POLK: variants seen among roughly 807,000 people sequenced by gnomAD.
POLK encodes polymerase (DNA directed) kappa.
POLK carries 76 observed loss-of-function variants against 94.0 expected under a neutral mutation model. The ratio of observed to expected loss-of-function variants is 0.81; its 90% CI spans 0.67 to 0.98. The LOEUF is 0.98. POLK is among the 50% of genes least tolerant of loss of function. The pLI is 0.00. For missense variants in POLK, 954 were observed against 1,010.1 expected (o/e 0.94, Z 0.75); for synonymous variants, 349 against 325.4 (o/e 1.07, Z -0.78).
intron 1 of POLK, among the ~76,000 whole-genome samples, chr5:75,539,311 A>AT (rs901889807): frequency 4.6e-5 from 7 of 151,106 alleles, no homozygotes; most frequent in African/African-American, 1.7e-4. Context: ...GGGATGTTTA[A>AT]TTTTTTTGTT....
At chr5:75,609,622 A>C in the POLK span, 1 of 152,078 alleles carries the variant, frequency 6.6e-6, no homozygotes, top group Non-Finnish European at 1.5e-5. Flanking sequence ...CTGTTTTTCC[A>C]TTTACATATT....
At chr5:75,564,076 T>C (rs1771134671) in intron 3 of POLK, among the ~76,000 whole-genome samples, 2 of 152,260 alleles carry the variant, frequency 1.3e-5, no homozygotes, top group African/African-American at 4.8e-5. Flanking sequence ...ATCTGGGTGC[T>C]ACTGCATTGG....
At chr5:75,605,955 A>G (rs1364135820), downstream of POLK, among the ~76,000 whole-genome samples, 1 of 141,356 alleles carries the variant, frequency 7.1e-6, no homozygotes, top group Non-Finnish European at 1.5e-5. Flanking sequence ...CCGGGGAACC[A>G]GCGTTCAGCA....
At chr5:75,597,050 A>G (rs753095504) in exon 13 of POLK, 10 of 1,613,762 alleles carry the variant, frequency 6.2e-6, no homozygotes, top group East Asian at 2.2e-5. Flanking sequence ...AACGTAGAAC[A>G]AAAGACTTCA....
chr5:75,515,519 T>C (rs1311341592), intron 1 of POLK, among the ~76,000 whole-genome samples: 3 of 152,230 alleles, frequency 2.0e-5, no homozygotes, highest in Admixed American at 6.5e-5. Context: ...CATTCATCCA[T>C]TGATGGTTGA....
the POLK span, chr5:75,609,770 G>A: frequency 6.6e-6 from 1 of 152,054 alleles, no homozygotes; most frequent in Non-Finnish European, 1.5e-5. Context: ...TTGAGGTTAT[G>A]GGCGGTGTTC....
chr5:75,562,136 A>T (rs1463393809), intron 3 of POLK, among the ~76,000 whole-genome samples: 1 of 152,214 alleles, frequency 6.6e-6, no homozygotes, highest in African/African-American at 2.4e-5. Context: ...CTTCCCATCC[A>T]TGAGTATGGA....
At chr5:75,542,360 C>T (rs1405011038) in intron 1 of POLK, among the ~76,000 whole-genome samples, 2 of 151,876 alleles carry the variant, frequency 1.3e-5, no homozygotes, top group African/African-American at 2.4e-5. Flanking sequence ...TGTCTCCTCC[C>T]CTTCTCTCTT....
At chr5:75,524,531 A>G (rs1279211495) in intron 1 of POLK, among the ~76,000 whole-genome samples, 1 of 152,230 alleles carries the variant, frequency 6.6e-6, no homozygotes, top group Non-Finnish European at 1.5e-5. Context: ...TAAATTACGT[A>G]TAAGTTTATT....
rs1772306308 is a variant in POLK, at chr5:75,583,434, A to C, written c.1059+17A>C. The C allele has an allele frequency of 6.6e-7, 1 of 1,516,064 alleles. No homozygotes were observed. The highest frequency in any genetic ancestry group is 9.1e-7 in the Non-Finnish European group (1 of 1,097,006). The allele number at this position is 1,516,064 out of a possible 1,614,324, so 93.9% of individuals were successfully genotyped here. A position where few individuals can be genotyped will look rare whatever the true frequency, so the allele number is the denominator to read the frequency against. ...ATTAGAAAGGTAAGATTTTTACATA[A>C]AGTTTATTTATATATGTACTCTGAA... On this transcript the variant is annotated intron_variant, in intron 8 of 14. Coordinates refer to ENST00000241436, the Ensembl canonical transcript of POLK.
At chr5:75,518,293 T>C (rs568798426) in intron 1 of POLK, among the ~76,000 whole-genome samples, 2 of 152,278 alleles carry the variant, frequency 1.3e-5, no homozygotes, top group East Asian at 1.9e-4. Context: ...GAAAGACTTT[T>C]TATTGCAGCT....
intron 4 of POLK, among the ~76,000 whole-genome samples, chr5:75,570,138 A>G (rs1299003470): frequency 6.6e-6 from 1 of 152,218 alleles, no homozygotes; most frequent in Non-Finnish European, 1.5e-5. Context: ...TCTTCCACGA[A>G]ACCAGTCTCT....
At chr5:75,579,334 C>T (rs1421886997) in intron 6 of POLK, among the ~76,000 whole-genome samples, 1 of 151,952 alleles carries the variant, frequency 6.6e-6, no homozygotes, top group African/African-American at 2.4e-5. Flanking sequence ...CAGGTAGATA[C>T]CATTTCAATT....
At chr5:75,522,222 G>A (rs377617472) in intron 1 of POLK, among the ~76,000 whole-genome samples, 1 of 152,338 alleles carries the variant, frequency 6.6e-6, no homozygotes, top group South Asian at 2.1e-4. Flanking sequence ...TAGACACTGT[G>A]AGTCAGGGAA....
At chr5:75,521,248 G>A (rs1193309267) in intron 1 of POLK, among the ~76,000 whole-genome samples, 2 of 151,858 alleles carry the variant, frequency 1.3e-5, no homozygotes, top group Admixed American at 6.6e-5. Context: ...AGTCTTTTGA[G>A]GTGATTTTCT....
chr5:75,529,816 T>C (rs1247704214), intron 1 of POLK, among the ~76,000 whole-genome samples: 1 of 152,144 alleles, frequency 6.6e-6, no homozygotes, highest in Non-Finnish European at 1.5e-5. Flanking sequence ...TTAATACATT[T>C]CACTTGTATA....
the POLK span, chr5:75,608,844 AAGATCAGAGAGATGAGTAGGGCC>A: frequency 6.6e-6 from 1 of 152,240 alleles, no homozygotes; most frequent in Non-Finnish European, 1.5e-5. Context: ...TGTAGGGCCC[AAGATCAGAGAGATGAGTAGGGCC>A]AGATCATGTG....
At chr5:75,549,882 A>G (rs1480566875) in intron 2 of POLK, among the ~76,000 whole-genome samples, 4 of 152,136 alleles carry the variant, frequency 2.6e-5, no homozygotes, top group African/African-American at 9.7e-5. Flanking sequence ...ACAAATTCCA[A>G]TAAATTGGAC....
intron 3 of POLK, among the ~76,000 whole-genome samples, chr5:75,559,999 C>T (rs1770885307): frequency 6.6e-6 from 1 of 151,894 alleles, no homozygotes; most frequent in African/African-American, 2.4e-5. Context: ...GAAAATATAC[C>T]ATTACAGTTT....
Sources: gnomAD v4.1 joint callset for allele counts (sites outside exome capture counted in the v4.1 genomes callset) on GRCh38, gnomAD v4.1.1 for gene constraint, MANE v1.5 for transcripts, NCBI Gene and HGNC (gene_info 2026-07-23, HGNC 2026-07-21) for gene names.